Variants in CHN2 observed in about 807,000 individuals in gnomAD.
CHN2 encodes the protein chimerin 2, also known as beta-chimaerin.
Under a neutral mutation model 56.3 loss-of-function variants are expected in CHN2, and 35 were observed. The observed-to-expected ratio is 0.62, with a 90% CI of 0.47 to 0.82. The LOEUF (loss-of-function observed/expected upper bound fraction) is 0.82. Among genes scored for constraint, CHN2 ranks in the 40% least tolerant of loss-of-function variants. CHN2 has a pLI of 0.00. For missense variants in CHN2, 491 were observed against 580.5 expected, an observed-to-expected ratio of 0.85 and a Z score of 1.58; for synonymous variants, 210 against 212.8, an observed-to-expected ratio of 0.99 and a Z score of 0.12.
intron 1 of CHN2, among the ~76,000 whole-genome samples, chr7:29,259,913 T>G (rs1431171964): frequency 6.6e-6 from 1 of 152,212 alleles, no homozygotes; most frequent in Non-Finnish European, 1.5e-5. Context: ...AGATGGAAAC[T>G]AATGAAAAAT....
chr7:29,442,537 C>A (rs1470597464), intron 6 of CHN2, among the ~76,000 whole-genome samples: 4 of 152,142 alleles, frequency 2.6e-5, no homozygotes, highest in Non-Finnish European at 5.9e-5. Context: ...ACAACAGAAT[C>A]GTCTGTTGAT....
chr7:29,170,063 A>G (rs535241871), intron 2 of CHN2, among the ~76,000 whole-genome samples: 1 of 151,934 alleles, frequency 6.6e-6, no homozygotes, highest in East Asian at 1.9e-4. Flanking sequence ...TGATCCTTGT[A>G]TTTGGCCTTC....
chr7:29,486,320 TG>T (rs979712147), intron 7 of CHN2, among the ~76,000 whole-genome samples: 7 of 152,236 alleles, frequency 4.6e-5, no homozygotes, highest in African/African-American at 1.7e-4. Context: ...CCTCACTCCC[TG>T]CCCTGCAGTT....
intron 12 of CHN2, among the ~76,000 whole-genome samples, chr7:29,510,981 A>G (rs1043933137): frequency 2.0e-5 from 3 of 152,130 alleles, no homozygotes; most frequent in African/African-American, 7.2e-5. Flanking sequence ...ATGTGTAATG[A>G]GGTCGATGAA....
At chr7:29,314,084 T>A (rs963681016) in intron 1 of CHN2, among the ~76,000 whole-genome samples, 1 of 152,186 alleles carries the variant, frequency 6.6e-6, no homozygotes, top group Middle Eastern at 3.2e-3. Flanking sequence ...AGGCAAAATT[T>A]CCAAGAGATA....
At chr7:29,433,666 G>T (rs762224136) in intron 6 of CHN2, among the ~76,000 whole-genome samples, 1 of 151,934 alleles carries the variant, frequency 6.6e-6, no homozygotes, top group Non-Finnish European at 1.5e-5. Context: ...GCGAAACCCC[G>T]TCTCTACTAA....
intron 6 of CHN2, among the ~76,000 whole-genome samples, chr7:29,471,806 T>C (rs1786067164): frequency 6.6e-6 from 1 of 152,120 alleles, no homozygotes; most frequent in South Asian, 2.1e-4. Context: ...GATGCTTAAA[T>C]GGCCTCAAAT....
intron 1 of CHN2, among the ~76,000 whole-genome samples, chr7:29,299,821 C>A (rs1793504286): frequency 6.6e-6 from 1 of 152,042 alleles, no homozygotes; most frequent in Non-Finnish European, 1.5e-5. Flanking sequence ...TTTTAAGAAA[C>A]AAGTAGACAA....
chr7:29,429,269 T>A (rs74537798), intron 6 of CHN2, among the ~76,000 whole-genome samples: 1 of 152,242 alleles, frequency 6.6e-6, no homozygotes, highest in Admixed American at 6.5e-5. Context: ...TGGCAGACAC[T>A]TATCTGAAAT....
At chr7:29,271,618 A>G (rs997060166) in intron 1 of CHN2, among the ~76,000 whole-genome samples, 16 of 152,202 alleles carry the variant, frequency 1.1e-4, no homozygotes, top group African/African-American at 3.9e-4. Flanking sequence ...GTTAAGAAAT[A>G]ACACTTATAA....
intron 2 of CHN2, among the ~76,000 whole-genome samples, chr7:29,184,151 T>TGATAGATG (rs1554355223): frequency 1.0e-4 from 15 of 143,322 alleles, no homozygotes; most frequent in African/African-American, 3.9e-4. Flanking sequence ...TACAGATAGA[T>TGATAGATG]GATAGATAGA....
At chr7:29,238,260 C>T (rs776966394) in intron 1 of CHN2, among the ~76,000 whole-genome samples, 13 of 152,032 alleles carry the variant, frequency 8.6e-5, no homozygotes, top group Middle Eastern at 6.8e-3. Flanking sequence ...CCTCAGGATC[C>T]GCCTGCCTTG....
At chr7:29,437,492 G>C (rs1330712675) in intron 6 of CHN2, among the ~76,000 whole-genome samples, 1 of 128,770 alleles carries the variant, frequency 7.8e-6, no homozygotes, top group African/African-American at 3.4e-5. Context: ...CAGCTACTCG[G>C]GAGGCTGAGG....
intron 3 of CHN2, chr7:29,376,403 G>A (rs1388186595): frequency 1.3e-5 from 2 of 152,192 alleles, no homozygotes; most frequent in Non-Finnish European, 2.9e-5. Context: ...CATATCAATG[G>A]CTGGGCTTCT....
chr7:29,280,470 T>C (rs77085869), intron 1 of CHN2, among the ~76,000 whole-genome samples: 3,557 of 152,036 alleles, frequency 0.023, 152 homozygotes, highest in African/African-American at 0.082. Flanking sequence ...TGGCTTGAGT[T>C]TGGGGGCTTG....
chr7:29,302,931 C>T (rs1793816407), intron 1 of CHN2, among the ~76,000 whole-genome samples: 1 of 152,194 alleles, frequency 6.6e-6, no homozygotes, highest in Non-Finnish European at 1.5e-5. Context: ...GAATTTCATT[C>T]CTCTTTCAAG....
At chr7:29,301,526 T>A (rs900824656) in intron 1 of CHN2, among the ~76,000 whole-genome samples, 27 of 152,144 alleles carry the variant, frequency 1.8e-4, no homozygotes, top group African/African-American at 6.5e-4. Flanking sequence ...ATGCCTCTTA[T>A]CCTTTTCTGA....
At chr7:29,344,445 C>T (rs1219706159) in intron 1 of CHN2, among the ~76,000 whole-genome samples, 3 of 152,154 alleles carry the variant, frequency 2.0e-5, no homozygotes, top group Admixed American at 2.0e-4. Flanking sequence ...CCTCACCCCT[C>T]CAAAACACCC....
rs1796368785 is a variant in CHN2 at position 29,333,365 on chromosome 7, A to G, written c.50-21260A>G. The stretch of plus-strand genomic sequence containing the variant: ...GGGCTGCTGTTGAAAGATGTCTCAG[A>G]GCCCTGCTCAGAGTCTTGTTCTCAG... On this transcript the variant is annotated intron_variant, in intron 1 of 12. Coordinates refer to ENST00000222792, the MANE Select transcript of CHN2 (RefSeq NM_004067.4). Among the ~76,000 whole-genome samples the G allele has an allele frequency of 2.6e-5, 4 of 152,296 alleles. No homozygotes were observed. The South Asian group carries it at 8.3e-4, about 32-fold the overall frequency.
Sources: gnomAD v4.1 joint callset for allele counts (sites outside exome capture counted in the v4.1 genomes callset) on GRCh38, gnomAD v4.1.1 for gene constraint, MANE v1.5 for transcripts, NCBI Gene and HGNC (gene_info 2026-07-23, HGNC 2026-07-21) for gene names.